The following ARMH1 variants were observed in gnomAD, a reference collection of about 807,000 sequenced individuals.
ARMH1 encodes the protein armadillo-like helical domain containing protein 1.
A neutral mutation model predicts 50.2 loss-of-function variants in ARMH1; 34 were observed. The ratio of observed to expected loss-of-function variants is 0.68; its 90% CI spans 0.51 to 0.90. The LOEUF (loss-of-function observed/expected upper bound fraction) is 0.90. Ranked by LOEUF, ARMH1 falls within the 40% of genes least tolerant of loss-of-function variation. The probability of loss-of-function intolerance (pLI) is 0.00; values close to 1 mark genes in which losing one functional copy is unlikely to be tolerated. For missense variants in ARMH1, 538 were observed against 553.9 expected (o/e 0.97, Z 0.29); for synonymous variants, 221 against 224.2 (o/e 0.99, Z 0.13).
In ARMH1 at chr1:44,724,690, G is replaced by C; in HGVS notation, c.1050+22G>C. 2 of 1,480,234 alleles carry C rather than the reference G, an allele frequency of 1.4e-6. No homozygotes were observed. The highest frequency in any genetic ancestry group is 1.8e-6 in the Non-Finnish European group (2 of 1,123,064). The allele number at this position is 1,480,234 out of a possible 1,614,324, so 91.7% of individuals were successfully genotyped here. Reference sequence around the variant, plus strand: ...GGAGGTGCGCGCGGCGGCTGGTTAGGGGGCGGGAAGGGCGGCGGCACCCGC... The same window carrying C: ...GGAGGTGCGCGCGGCGGCTGGTTAGCGGGCGGGAAGGGCGGCGGCACCCGC... On this transcript the variant is annotated intron_variant, in intron 9 of 11. Coordinates refer to ENST00000535358, the MANE Select transcript of ARMH1 (RefSeq NM_001145636.2). The surrounding 1 kb of genome is among the most constrained non-coding windows in gnomAD (Gnocchi z 6.4).
rs897308846 is a variant in ARMH1 at position 44,682,273 on chromosome 1, T to C, written c.-23+7400T>C. 4.6e-5 allele frequency among the ~76,000 whole-genome samples: 7 copies of C among 152,220 alleles called. No homozygotes were observed. The highest frequency in any genetic ancestry group is 1.7e-4 in the African/African-American group (7 of 41,458). ...GGAGCACACTGATGTTGAAATTGCC[T>C]AGTGGCTCTTGAGTAAACAGGAAGG... On this transcript the variant is annotated intron_variant, in intron 1 of 11. Transcript: ENST00000535358. This position sits in a 1 kb window ranked among gnomAD's most constrained non-coding sequence, Gnocchi z 4.5.
chr1:44,696,725 G>T (rs960455735), intron 2 of ARMH1, among the ~76,000 whole-genome samples: 1 of 151,954 alleles, frequency 6.6e-6, no homozygotes, highest in East Asian at 1.9e-4. Flanking sequence ...TAAGAATGAG[G>T]CACAAAGTCA....
intron 6 of ARMH1, among the ~76,000 whole-genome samples, chr1:44,709,889 A>C (rs1646525642): frequency 6.6e-6 from 1 of 152,134 alleles, no homozygotes; most frequent in Non-Finnish European, 1.5e-5. Flanking sequence ...AATCAAGTCC[A>C]TGGTAAAATG....
chr1:44,718,011 C>G (rs953204729), intron 6 of ARMH1, among the ~76,000 whole-genome samples: 5 of 152,130 alleles, frequency 3.3e-5, no homozygotes, highest in African/African-American at 1.2e-4. Context: ...CTAAGTAGCT[C>G]CAAGTGTTAC....
chr1:44,695,835 C>T (rs1029465924), intron 2 of ARMH1, among the ~76,000 whole-genome samples: 2 of 151,910 alleles, frequency 1.3e-5, no homozygotes, highest in East Asian at 3.9e-4. Flanking sequence ...GTCCCGGCTA[C>T]TCAGGTGACT....
intron 6 of ARMH1, among the ~76,000 whole-genome samples, chr1:44,717,696 AT>A (rs1249509197): frequency 6.6e-6 from 1 of 152,248 alleles, no homozygotes; most frequent in African/African-American, 2.4e-5. Context: ...CTCAATGAGA[AT>A]TTTGTTAAAT....
At chr1:44,723,963 C>T in intron 6 of ARMH1, 159 bp from the exon 7 acceptor site, 1 of 884,896 alleles carries the variant, frequency 1.1e-6, no homozygotes, top group Non-Finnish European at 1.6e-6. Context: ...TCCTGCTCTT[C>T]AACTGAGGTT....
Position 44,724,646 on chromosome 1 carries a change from G to A in ARMH1, c.1028G>A (p.Arg343Gln), listed in dbSNP as rs771895763. 5 of 1,502,306 alleles carry A rather than the reference G, an allele frequency of 3.3e-6. No homozygotes were observed. The South Asian group carries it at 6.2e-5, about 19-fold the overall frequency. 93.1% of individuals were successfully genotyped at this position (1,502,306 alleles called of 1,614,324 possible). A position where few individuals can be genotyped will look rare whatever the true frequency, so the allele number is the denominator to read the frequency against. The change falls in exon 9 of 12, where the codon CGG (arginine) becomes CAG (glutamine). Residue 343 changes from arginine (R) to glutamine (Q), a missense_variant. Arg to Gln is a conservative substitution (Grantham distance 43, BLOSUM62 1). Coordinates refer to ENST00000535358, the MANE Select transcript of ARMH1 (RefSeq NM_001145636.2). The surrounding 1 kb of genome is among the most constrained non-coding windows in gnomAD (Gnocchi z 6.4). ...AACACGGACCACAGCAACAGCCAGC[G>A]GCTGGCCAGCCTCACGCTGGAGGTG... ...MGNTDHSNSQ[R>Q]LASLTLECFV...
chr1:44,724,797 C>A lies in ARMH1; in HGVS notation c.1086C>A (p.His362Gln). 2 of 1,543,776 alleles carry A rather than the reference C, an allele frequency of 1.3e-6. No individual in the cohort carries two copies. The highest frequency in any genetic ancestry group is 2.4e-5 in the South Asian group (2 of 84,004). Reference protein sequence around the residue: ...FVQMFPLVAEHVRKCMGEELY... With the variant: ...FVQMFPLVAEQVRKCMGEELY... Reference sequence around the variant, plus strand: ...AGATGTTCCCCTTGGTGGCGGAGCACGTGCGCAAGTGCATGGGGGAGGAAC... The same window carrying A: ...AGATGTTCCCCTTGGTGGCGGAGCAAGTGCGCAAGTGCATGGGGGAGGAAC... Residue 362 changes from histidine (H) to glutamine (Q), a missense_variant, in exon 10 of 12, where the codon CAC (histidine) becomes CAA (glutamine). Coordinates refer to ENST00000535358, the MANE Select transcript of ARMH1 (RefSeq NM_001145636.2). The surrounding 1 kb of genome is among the most constrained non-coding windows in gnomAD (Gnocchi z 6.4).
chr1:44,680,683 A>T (rs191714650), intron 1 of ARMH1, among the ~76,000 whole-genome samples: 2 of 152,302 alleles, frequency 1.3e-5, no homozygotes, highest in Admixed American at 1.3e-4. Flanking sequence ...GAAGATGGGA[A>T]GATTGAAGAC....
chr1:44,709,458 G>C (rs183884576), intron 6 of ARMH1, among the ~76,000 whole-genome samples: 1 of 152,138 alleles, frequency 6.6e-6, no homozygotes, highest in African/African-American at 2.4e-5. Flanking sequence ...GGATCACGAG[G>C]TCAGGAGATC....
Position 44,724,733 on chromosome 1 carries a change from AGTC to A in ARMH1, c.1051-28_1051-26del, listed in dbSNP as rs760010003. 5.3e-6 allele frequency: 8 copies of A among 1,513,544 alleles called. No homozygotes were observed. In the South Asian group the frequency reaches 9.9e-5, roughly 19 times the overall value. The allele number at this position is 1,513,544 out of a possible 1,614,324, so 93.8% of individuals were successfully genotyped here. ...GCACCCGCAGCCCCGTCGCCCCCGCAGTCACGCCGCCTCGCCCGCGCGGCGCAG... is the reference window on the plus strand; with the variant it reads ...GCACCCGCAGCCCCGTCGCCCCCGCAACGCCGCCTCGCCCGCGCGGCGCAG... On this transcript the variant is annotated intron_variant, in intron 9 of 11. Coordinates refer to ENST00000535358, the MANE Select transcript of ARMH1 (RefSeq NM_001145636.2). The surrounding 1 kb of genome is among the most constrained non-coding windows in gnomAD (Gnocchi z 6.4).
rs139934200 is a variant in ARMH1 at position 44,674,904 on chromosome 1, C to T, written c.-23+31C>T. On this transcript the variant is annotated intron_variant, in intron 1 of 11. Coordinates refer to ENST00000535358, the MANE Select transcript of ARMH1 (RefSeq NM_001145636.2). The stretch of plus-strand genomic sequence containing the variant: ...AAACCGTACAAAACGGCCTAGGGGG[C>T]GCGTGCCGACCCAACCTCCACCCAG... 939 of 152,942 alleles carry T rather than the reference C, an allele frequency of 6.1e-3. 11 individuals carry two copies. Among genetic ancestry groups the T allele is most frequent in the African/African-American group, 0.021 (883 of 41,504 alleles). 9.5% of individuals were successfully genotyped at this position (152,942 alleles called of 1,614,324 possible). A position where few individuals can be genotyped will look rare whatever the true frequency, so the allele number is the denominator to read the frequency against.
At chr1:44,686,070 A>G (rs1415194100) in intron 1 of ARMH1, among the ~76,000 whole-genome samples, 1 of 152,258 alleles carries the variant, frequency 6.6e-6, no homozygotes, top group African/African-American at 2.4e-5. Flanking sequence ...GGCATCCGTC[A>G]GAAAAACTCG....
chr1:44,701,595 C>G (rs1182474213), intron 5 of ARMH1, among the ~76,000 whole-genome samples: 1 of 151,606 alleles, frequency 6.6e-6, no homozygotes, highest in Non-Finnish European at 1.5e-5. Context: ...AGACATCGTA[C>G]CTAGTAAAGA....
chr1:44,700,777 T>C, intron 4 of ARMH1, 146 bp from the exon 5 acceptor site: 1 of 623,802 alleles, frequency 1.6e-6, no homozygotes, highest in Non-Finnish European at 2.8e-6. Context: ...AAGACAGTGA[T>C]GCAACATGAG....
At chr1:44,686,154 G>A (rs1645465391) in intron 1 of ARMH1, among the ~76,000 whole-genome samples, 1 of 152,148 alleles carries the variant, frequency 6.6e-6, no homozygotes, top group African/African-American at 2.4e-5. Context: ...AGTAGAAAGA[G>A]ATCTGTGGGA....
chr1:44,718,594 C>T (rs1456736044), intron 6 of ARMH1, among the ~76,000 whole-genome samples: 1 of 152,218 alleles, frequency 6.6e-6, no homozygotes, highest in Non-Finnish European at 1.5e-5. Flanking sequence ...CACAATGTTG[C>T]TGGGCCTTTG....
In ARMH1 at chr1:44,724,874, A is replaced by C. The variant is rs1287444278; in HGVS notation, c.1128+35A>C. ...CCCTTCCTGCCCCGCCGCAATGAGC[A>C]GATGGCGGCTCGGACAGTGTGATGC... On this transcript the variant is annotated intron_variant, in intron 10 of 11. Coordinates refer to ENST00000535358, the MANE Select transcript of ARMH1 (RefSeq NM_001145636.2). The surrounding 1 kb of genome is among the most constrained non-coding windows in gnomAD (Gnocchi z 6.4). 7 of 1,533,998 alleles carry C rather than the reference A, an allele frequency of 4.6e-6. No homozygotes were observed. The highest frequency in any genetic ancestry group is 6.1e-6 in the Non-Finnish European group (7 of 1,143,700).
Sources: gnomAD v4.1 joint callset for allele counts (sites outside exome capture counted in the v4.1 genomes callset) on GRCh38, gnomAD v4.1.1 for gene constraint, Gnocchi (gnomAD v3.1) non-coding constraint, MANE v1.5 for transcripts, NCBI Gene and HGNC (gene_info 2026-07-23, HGNC 2026-07-21) for gene names.